NCAM1: variants seen among roughly 807,000 people sequenced by gnomAD.
NCAM1 encodes the protein neural cell adhesion molecule 1.
Under a neutral mutation model 109.8 loss-of-function variants are expected in NCAM1, and 14 were observed. The observed-to-expected ratio is 0.13, with a 90% CI of 0.08 to 0.20. NCAM1 has a LOEUF of 0.20. NCAM1 is among the 10% of genes least tolerant of loss of function. The probability of loss-of-function intolerance (pLI) is 1.00; values close to 1 mark genes in which losing one functional copy is unlikely to be tolerated. For missense variants in NCAM1, 774 were observed against 1,109.9 expected (o/e 0.70, Z 4.30); for synonymous variants, 418 against 442.9 (o/e 0.94, Z 0.70).
At chr11:113,054,509 T>C (rs1330426702) in intron 1 of NCAM1, among the ~76,000 whole-genome samples, 2 of 152,194 alleles carry the variant, frequency 1.3e-5, no homozygotes, top group Non-Finnish European at 2.9e-5. Flanking sequence ...GTCCCTGAAA[T>C]TCTAATTGCA....
chr11:113,135,976 G>A (rs1381695412), intron 1 of NCAM1, among the ~76,000 whole-genome samples: 1 of 152,110 alleles, frequency 6.6e-6, no homozygotes, highest in Non-Finnish European at 1.5e-5. Flanking sequence ...GTGGACACTG[G>A]ACACTTAACT....
At chr11:113,132,289 C>A (rs1555098454) in intron 1 of NCAM1, among the ~76,000 whole-genome samples, 1 of 152,186 alleles carries the variant, frequency 6.6e-6, no homozygotes, top group African/African-American at 2.4e-5. Flanking sequence ...AATATGTGAG[C>A]AAAGACAGTT....
rs541815586 is a variant in NCAM1 at position 113,176,707 on chromosome 11, C to A, written c.53-25672C>A. 1.1e-4 allele frequency among the ~76,000 whole-genome samples: 17 copies of A among 152,240 alleles called. No homozygotes were observed. In the South Asian group the frequency reaches 3.5e-3, roughly 32 times the overall value. Reference sequence around the variant, plus strand: ...GATATGAGACATCTGTAAATCCTCTCATTGTTTGTTTTTTTCTGTGTGTTT... The same window carrying A: ...GATATGAGACATCTGTAAATCCTCTAATTGTTTGTTTTTTTCTGTGTGTTT... On this transcript the variant is annotated intron_variant, in intron 1 of 19. Transcript: ENST00000316851.
At chr11:113,231,602 G>T (rs1555117212) in intron 9 of NCAM1, 43 bp from the exon 10 acceptor site, 2 of 1,599,646 alleles carry the variant, frequency 1.3e-6, no homozygotes, top group Admixed American at 1.7e-5. Flanking sequence ...CCTTCACCCT[G>T]CCTTGGGCTC....
intron 1 of NCAM1, among the ~76,000 whole-genome samples, chr11:113,094,852 T>C (rs1014640566): frequency 9.2e-5 from 14 of 152,200 alleles, no homozygotes; most frequent in African/African-American, 3.1e-4. Context: ...CTAAGTCACA[T>C]TGACAAGAAC....
intron 1 of NCAM1, among the ~76,000 whole-genome samples, chr11:112,983,040 T>C (rs782449993): frequency 6.6e-6 from 1 of 151,972 alleles, no homozygotes; most frequent in Non-Finnish European, 1.5e-5. Flanking sequence ...AGTTTTCATA[T>C]GTAATAGTTA....
intron 1 of NCAM1, among the ~76,000 whole-genome samples, chr11:113,082,551 C>G (rs1420452238): frequency 6.6e-6 from 1 of 152,148 alleles, no homozygotes; most frequent in African/African-American, 2.4e-5. Context: ...TGGAAGTAGT[C>G]TGCTAATTGA....
At chr11:113,232,435 C>T in intron 11 of NCAM1, 81 bp downstream of exon 11, 2 of 1,375,332 alleles carry the variant, frequency 1.5e-6, no homozygotes, top group Non-Finnish European at 2.0e-6. Flanking sequence ...CTCAAGTCCT[C>T]TCTCCTGCTT....
At chr11:113,178,283 A>T (rs1243790862) in intron 1 of NCAM1, among the ~76,000 whole-genome samples, 1 of 152,168 alleles carries the variant, frequency 6.6e-6, no homozygotes, top group Non-Finnish European at 1.5e-5. Context: ...ATCGGAGAAG[A>T]GTAAAATAAC....
intron 1 of NCAM1, among the ~76,000 whole-genome samples, chr11:112,964,385 T>C (rs1267132735): frequency 6.6e-6 from 1 of 152,200 alleles, no homozygotes; most frequent in Non-Finnish European, 1.5e-5. Context: ...AAATTTTGGA[T>C]GTTTTGAAGA....
rs782333827 is a variant in NCAM1 at position 113,205,510 on chromosome 11, G to A, written c.347-13G>A. ...AGCAGCTGTTTTCCCTCACTCTTCT[G>A]TTCATCTTCCAGAGAAGCTCATGTT... On this transcript the variant is annotated splice_polypyrimidine_tract_variant and intron_variant, in intron 3 of 19. Transcript: ENST00000316851. 1.2e-5 allele frequency: 20 copies of A among 1,608,080 alleles called. No individual in the cohort carries two copies. Among genetic ancestry groups the A allele is most frequent in the Non-Finnish European group, 1.7e-5 (20 of 1,177,530 alleles).
intron 1 of NCAM1, among the ~76,000 whole-genome samples, chr11:113,182,081 G>T (rs1409710670): frequency 6.6e-6 from 1 of 152,090 alleles, no homozygotes; most frequent in Non-Finnish European, 1.5e-5. Context: ...ATGTTATTTG[G>T]TAAAACACAA....
At chr11:113,013,003 G>T (rs1952110319) in intron 1 of NCAM1, among the ~76,000 whole-genome samples, 1 of 152,164 alleles carries the variant, frequency 6.6e-6, no homozygotes, top group Non-Finnish European at 1.5e-5. Context: ...CATATTTATG[G>T]AGAGGGAGAC....
At chr11:113,102,161 T>C (rs559535004) in intron 1 of NCAM1, among the ~76,000 whole-genome samples, 15 of 152,348 alleles carry the variant, frequency 9.8e-5, no homozygotes, top group Non-Finnish European at 2.2e-4. Flanking sequence ...TTTAGTCATC[T>C]GAAAAAGTTC....
chr11:113,067,484 G>A (rs1182701979), intron 1 of NCAM1, among the ~76,000 whole-genome samples: 1 of 152,154 alleles, frequency 6.6e-6, no homozygotes, highest in Non-Finnish European at 1.5e-5. Flanking sequence ...TTTTGAATTG[G>A]CTTTGTGATT....
intron 9 of NCAM1, among the ~76,000 whole-genome samples, chr11:113,230,970 AG>A (rs565523890): frequency 3.1e-4 from 47 of 152,298 alleles, no homozygotes; most frequent in Admixed American, 9.8e-4. Flanking sequence ...GTGGTGGCCA[AG>A]GTGTCAAGGA....
Position 113,235,019 on chromosome 11 carries a change from C to G in NCAM1, c.1694-14C>G, listed in dbSNP as rs1945121740. On this transcript the variant is annotated splice_polypyrimidine_tract_variant and intron_variant, in intron 13 of 19. Coordinates refer to ENST00000316851, the MANE Select transcript of NCAM1 (RefSeq NM_181351.5). ...ACAATAGACTCTTTTGTCATCCTTCCCATATTATAACAGCCAGCATGGAGG... is the reference window on the plus strand; with the variant it reads ...ACAATAGACTCTTTTGTCATCCTTCGCATATTATAACAGCCAGCATGGAGG... 6.5e-7 allele frequency: 1 copy of G among 1,542,850 alleles called. No individual in the cohort carries two copies. Among genetic ancestry groups the G allele is most frequent in the South Asian group, 1.2e-5 (1 of 83,922 alleles).
intron 1 of NCAM1, among the ~76,000 whole-genome samples, chr11:113,033,550 A>G (rs117101070): frequency 3.9e-5 from 6 of 152,336 alleles, no homozygotes; most frequent in Middle Eastern, 3.4e-3. Flanking sequence ...TTTTTCCTCT[A>G]CTATGCAAAG....
At chr11:113,029,817 T>A (rs1952660292) in intron 1 of NCAM1, among the ~76,000 whole-genome samples, 1 of 152,208 alleles carries the variant, frequency 6.6e-6, no homozygotes, top group African/African-American at 2.4e-5. Context: ...AAATTTAAAC[T>A]GAGCTGGTAA....
Sources: gnomAD v4.1 joint callset for allele counts (sites outside exome capture counted in the v4.1 genomes callset) on GRCh38, gnomAD v4.1.1 for gene constraint, MANE v1.5 for transcripts, NCBI Gene and HGNC (gene_info 2026-07-23, HGNC 2026-07-21) for gene names.